The following FSTL5 variants were observed in gnomAD, a reference collection of about 807,000 sequenced individuals.
FSTL5 encodes the protein follistatin like 5.
In FSTL5, 62 loss-of-function variants were observed where a neutral mutation model predicts 89.1. That is an observed-to-expected ratio of 0.70 (90% CI 0.57 to 0.86). The LOEUF is 0.86. FSTL5 is among the 40% of genes least tolerant of loss of function. FSTL5 has a pLI of 0.00. For synonymous variants in FSTL5, 383 were observed against 346.2 expected, an observed-to-expected ratio of 1.11 and a Z score of -1.18; for missense variants, 1,057 against 1,001.6, an observed-to-expected ratio of 1.06 and a Z score of -0.75.
At chr4:161,889,063 T>C (rs1311435807) in intron 4 of FSTL5, among the ~76,000 whole-genome samples, 1 of 152,168 alleles carries the variant, frequency 6.6e-6, no homozygotes, top group Non-Finnish European at 1.5e-5. Context: ...TAAGTTACTT[T>C]GCGTGTATAA....
chr4:161,851,901 A>C (rs1177924977), intron 4 of FSTL5, among the ~76,000 whole-genome samples: 1 of 151,774 alleles, frequency 6.6e-6, no homozygotes, highest in African/African-American at 2.4e-5. Context: ...CTACACACAC[A>C]CACACACACA....
At chr4:161,950,122 C>G (rs1417226239) in intron 3 of FSTL5, among the ~76,000 whole-genome samples, 4 of 152,098 alleles carry the variant, frequency 2.6e-5, no homozygotes, top group African/African-American at 9.7e-5. Context: ...TAGTTCTGAG[C>G]TGGACTACTG....
At chr4:162,033,542 T>G in intron 3 of FSTL5, 83 bp downstream of exon 3, 1 of 717,702 alleles carries the variant, frequency 1.4e-6, no homozygotes, top group Non-Finnish European at 2.3e-6. Context: ...ATTTTTGACT[T>G]TTTATTCAAA....
chr4:161,718,583 C>T (rs1256397826), intron 6 of FSTL5, among the ~76,000 whole-genome samples: 1 of 152,032 alleles, frequency 6.6e-6, no homozygotes, highest in Admixed American at 6.6e-5. Context: ...TGCGTGCCAC[C>T]ATGCCCGGCT....
At chr4:161,958,641 C>T (rs369480033) in intron 3 of FSTL5, among the ~76,000 whole-genome samples, 2 of 152,004 alleles carry the variant, frequency 1.3e-5, no homozygotes, top group Non-Finnish European at 2.9e-5. Context: ...TATTCTATGC[C>T]GGATGCTGGA....
intron 7 of FSTL5, among the ~76,000 whole-genome samples, chr4:161,624,508 T>G: frequency 6.6e-6 from 1 of 151,892 alleles, no homozygotes; most frequent in South Asian, 2.1e-4. Context: ...TAATATAAAT[T>G]TATTAAAAGT....
intron 5 of FSTL5, among the ~76,000 whole-genome samples, chr4:161,760,406 G>T (rs1221190813): frequency 6.6e-6 from 1 of 152,082 alleles, no homozygotes; most frequent in Non-Finnish European, 1.5e-5. Flanking sequence ...TTGGTTGGTT[G>T]GTTTGTTTGT....
At chr4:161,450,741 A>ATTTTTT (rs70937651) in intron 15 of FSTL5, among the ~76,000 whole-genome samples, 7 of 131,582 alleles carry the variant, frequency 5.3e-5, no homozygotes, top group Non-Finnish European at 8.1e-5. Flanking sequence ...ATTCATCTTC[A>ATTTTTT]TTTTTTTTTT....
chr4:161,496,739 G>C (rs1730088021), intron 12 of FSTL5, among the ~76,000 whole-genome samples: 1 of 151,342 alleles, frequency 6.6e-6, no homozygotes, highest in Non-Finnish European at 1.5e-5. Context: ...AGTTGTGTGA[G>C]CCGATTCCTT....
At chr4:162,087,522 A>C (rs1730367155) in intron 2 of FSTL5, among the ~76,000 whole-genome samples, 1 of 152,164 alleles carries the variant, frequency 6.6e-6, no homozygotes, top group Admixed American at 6.6e-5. Flanking sequence ...AAAGAAAAGT[A>C]CCAATAGAGG....
At chr4:162,026,304 C>CTTTTTTTGTTTTTTTTTTTTTTTTTT (rs1737282573) in intron 3 of FSTL5, among the ~76,000 whole-genome samples, 1 of 79,472 alleles carries the variant, frequency 1.3e-5, no homozygotes, top group Non-Finnish European at 2.2e-5. Context: ...TATGTATTTT[C>CTTTTTTTGTTTTTTTTTTTTTTTTTT]TTTTTTTTTT....
At chr4:161,712,410 G>T (rs540103235) in intron 6 of FSTL5, among the ~76,000 whole-genome samples, 1 of 152,180 alleles carries the variant, frequency 6.6e-6, no homozygotes, top group South Asian at 2.1e-4. Context: ...TTGACCATGG[G>T]ATTAACCCTC....
intron 10 of FSTL5, among the ~76,000 whole-genome samples, chr4:161,516,113 A>G (rs1403341205): frequency 6.7e-6 from 1 of 148,574 alleles, no homozygotes; most frequent in Non-Finnish European, 1.5e-5. Context: ...ATAATGTATT[A>G]TATATTATAT....
At chr4:161,512,151 T>C (rs1236041913) in intron 10 of FSTL5, among the ~76,000 whole-genome samples, 3 of 152,028 alleles carry the variant, frequency 2.0e-5, no homozygotes, top group Non-Finnish European at 2.9e-5. Context: ...TTTTTGTAGT[T>C]TTAGGAATGG....
intron 3 of FSTL5, among the ~76,000 whole-genome samples, chr4:162,025,252 A>C (rs2111169715): frequency 6.6e-6 from 1 of 152,320 alleles, no homozygotes; most frequent in African/African-American, 2.4e-5. Flanking sequence ...TAATGATTCG[A>C]CATAGAAGTC....
intron 4 of FSTL5, among the ~76,000 whole-genome samples, chr4:161,799,305 T>C (rs980069011): frequency 1.3e-5 from 2 of 151,676 alleles, no homozygotes; most frequent in African/African-American, 2.4e-5. Flanking sequence ...CACACCACGG[T>C]AGTGATGAGT....
chr4:161,449,663 G>A (rs981069076), intron 15 of FSTL5, among the ~76,000 whole-genome samples: 1 of 152,150 alleles, frequency 6.6e-6, no homozygotes, highest in African/African-American at 2.4e-5. Flanking sequence ...CTCTAACTGG[G>A]AGAGATAGGA....
chr4:162,158,424 G>C (rs956028586), intron 1 of FSTL5, among the ~76,000 whole-genome samples: 1 of 152,036 alleles, frequency 6.6e-6, no homozygotes, highest in Non-Finnish European at 1.5e-5. Context: ...GTATACTAAA[G>C]AATATACGCT....
At chr4:161,740,615 T>C (rs1434619) in intron 6 of FSTL5, among the ~76,000 whole-genome samples, 83,999 of 151,656 alleles carry the variant, frequency 0.55, 26,593 homozygotes, top group Non-Finnish European at 0.71. Flanking sequence ...TCACATTATA[T>C]TGACACATGG....
Sources: gnomAD v4.1 joint callset for allele counts (sites outside exome capture counted in the v4.1 genomes callset) on GRCh38, gnomAD v4.1.1 for gene constraint, MANE v1.5 for transcripts, NCBI Gene and HGNC (gene_info 2026-07-23, HGNC 2026-07-21) for gene names.